The following COL24A1 variants were observed in gnomAD, a reference collection of about 807,000 sequenced individuals.
The protein encoded by COL24A1 is collagen alpha-1(XXIV) chain.
A neutral mutation model predicts 253.9 loss-of-function variants in COL24A1; 224 were observed. The ratio of observed to expected loss-of-function variants is 0.88; its 90% CI spans 0.79 to 0.99. The LOEUF (loss-of-function observed/expected upper bound fraction) is 0.99. COL24A1 is among the 50% of genes least tolerant of loss of function. COL24A1 has a pLI of 0.00. For missense variants in COL24A1, 2,131 were observed against 2,068.5 expected, an observed-to-expected ratio of 1.03 and a Z score of -0.59; for synonymous variants, 685 against 673.7, an observed-to-expected ratio of 1.02 and a Z score of -0.26.
At chr1:86,134,385 T>G (rs1283222702) in intron 2 of COL24A1, among the ~76,000 whole-genome samples, 2 of 151,930 alleles carry the variant, frequency 1.3e-5, no homozygotes, top group Non-Finnish European at 2.9e-5. Flanking sequence ...TCTTGCTTTC[T>G]GCTAGCTTTT....
intron 20 of COL24A1, 70 bp downstream of exon 20, chr1:85,987,531 C>T: frequency 7.8e-7 from 1 of 1,285,252 alleles, no homozygotes; most frequent in Non-Finnish European, 1.1e-6. Flanking sequence ...AAATATTTTT[C>T]CCATTTATTG....
chr1:85,886,042 C>T (rs1244735054), intron 32 of COL24A1, among the ~76,000 whole-genome samples: 1 of 151,968 alleles, frequency 6.6e-6, no homozygotes, highest in Non-Finnish European at 1.5e-5. Flanking sequence ...CAGCTAGAAG[C>T]CAAATTGTGT....
At chr1:85,894,488 TA>T (rs1350667989) in intron 31 of COL24A1, among the ~76,000 whole-genome samples, 1 of 152,164 alleles carries the variant, frequency 6.6e-6, no homozygotes, top group Non-Finnish European at 1.5e-5. Flanking sequence ...TTTTTACCTT[TA>T]TTTTCAGCTC....
At chr1:86,066,192 GAAATAA>G (rs1422004568) in intron 7 of COL24A1, among the ~76,000 whole-genome samples, 4 of 146,654 alleles carry the variant, frequency 2.7e-5, no homozygotes, top group Non-Finnish European at 6.0e-5. Flanking sequence ...AGACAGGATT[GAAATAA>G]CTCACTCTTT....
intron 31 of COL24A1, among the ~76,000 whole-genome samples, chr1:85,890,340 C>G (rs892093988): frequency 1.3e-5 from 2 of 152,048 alleles, no homozygotes; most frequent in African/African-American, 4.8e-5. Context: ...CACAGCAGTT[C>G]CCCTATTTTA....
chr1:86,075,949 T>G (rs1202434041), intron 7 of COL24A1, among the ~76,000 whole-genome samples: 1 of 151,884 alleles, frequency 6.6e-6, no homozygotes, highest in Non-Finnish European at 1.5e-5. Flanking sequence ...ACTGAATGAG[T>G]AAAAGCTGGA....
At chr1:85,864,427 G>T (rs1191250621) in intron 37 of COL24A1, among the ~76,000 whole-genome samples, 1 of 151,868 alleles carries the variant, frequency 6.6e-6, no homozygotes, top group Non-Finnish European at 1.5e-5. Flanking sequence ...AGCATTAGGT[G>T]ATATATCTAA....
At chr1:86,001,081 A>T (rs1306986879) in intron 19 of COL24A1, among the ~76,000 whole-genome samples, 1 of 151,138 alleles carries the variant, frequency 6.6e-6, no homozygotes, top group East Asian at 1.9e-4. Context: ...GTGATGTTTT[A>T]TCTTGGAACA....
chr1:86,121,573 T>C (rs1008048836), intron 3 of COL24A1, among the ~76,000 whole-genome samples: 4 of 152,004 alleles, frequency 2.6e-5, no homozygotes, highest in South Asian at 2.1e-4. Context: ...AAGAAACTCT[T>C]TGATGAAAGC....
intron 3 of COL24A1, among the ~76,000 whole-genome samples, chr1:86,123,757 A>G (rs1156440872): frequency 2.6e-5 from 4 of 151,972 alleles, no homozygotes; most frequent in Admixed American, 6.6e-5. Context: ...TTATTTCTCT[A>G]TAATAGTATA....
intron 59 of COL24A1, among the ~76,000 whole-genome samples, chr1:85,731,870 A>G (rs1240636230): frequency 1.3e-5 from 2 of 152,218 alleles, no homozygotes; most frequent in African/African-American, 4.8e-5. Flanking sequence ...AAGTATGCCT[A>G]AAATTTCCAC....
intron 47 of COL24A1, among the ~76,000 whole-genome samples, chr1:85,795,273 GAA>G (rs111518403): frequency 1.3e-5 from 2 of 152,030 alleles, no homozygotes; most frequent in African/African-American, 2.4e-5. Context: ...CACACATTTA[GAA>G]AAAAGATACA....
At position 85,989,725 on chromosome 1, in the gene COL24A1, A is replaced by G. The variant is rs74612879; in HGVS notation, c.2311-2071T>C. On this transcript the variant is annotated intron_variant, in intron 19 of 59. Coordinates refer to ENST00000370571, the MANE Select transcript of COL24A1 (RefSeq NM_152890.7). The stretch of plus-strand genomic sequence containing the variant: ...GCACTTCAGTCACTGAACAATTTTC[A>G]TACTCTGATAATATATACTCTCTTT... 4.0e-3 allele frequency among the ~76,000 whole-genome samples: 605 copies of G among 152,176 alleles called. 3 individuals carry two copies. Among genetic ancestry groups the G allele is most frequent in the African/African-American group, 0.014 (575 of 41,516 alleles).
At chr1:85,884,314 T>C (rs1362412587) in intron 32 of COL24A1, among the ~76,000 whole-genome samples, 1 of 152,160 alleles carries the variant, frequency 6.6e-6, no homozygotes, top group Non-Finnish European at 1.5e-5. Flanking sequence ...TAATGTGATA[T>C]TTGATATTAT....
At chr1:86,149,956 A>C (rs1171258487) in intron 1 of COL24A1, among the ~76,000 whole-genome samples, 1 of 152,240 alleles carries the variant, frequency 6.6e-6, no homozygotes, top group African/African-American at 2.4e-5. Context: ...TAGCGAACTG[A>C]AAAAGAACAG....
At chr1:85,760,042 C>T (rs1344652151) in intron 55 of COL24A1, among the ~76,000 whole-genome samples, 2 of 143,800 alleles carry the variant, frequency 1.4e-5, no homozygotes, top group Non-Finnish European at 3.0e-5. Context: ...GATTTGAAGA[C>T]TTGGAGAAAG....
At chr1:85,894,741 A>G (rs1377297469) in intron 31 of COL24A1, among the ~76,000 whole-genome samples, 1 of 152,210 alleles carries the variant, frequency 6.6e-6, no homozygotes, top group South Asian at 2.1e-4. Context: ...TCAATAATAC[A>G]ATGCCACACA....
intron 47 of COL24A1, among the ~76,000 whole-genome samples, chr1:85,805,530 C>T (rs775619335): frequency 5.3e-5 from 8 of 152,054 alleles, no homozygotes; most frequent in African/African-American, 1.9e-4. Flanking sequence ...TACTGAGTGG[C>T]AATATTGCAG....
intron 18 of COL24A1, among the ~76,000 whole-genome samples, chr1:86,021,979 T>C (rs1697578923): frequency 6.6e-6 from 1 of 152,206 alleles, no homozygotes; most frequent in Admixed American, 6.6e-5. Context: ...AAATATTGTC[T>C]ATATTAAATT....
Sources: allele counts gnomAD v4.1 joint callset (sites outside exome capture counted in the v4.1 genomes callset), GRCh38; gene constraint gnomAD v4.1.1; transcripts MANE v1.5; gene names NCBI Gene and HGNC (gene_info 2026-07-23, HGNC 2026-07-21).